FHIT: variants seen among roughly 807,000 people sequenced by gnomAD.
The protein encoded by FHIT is fragile histidine triad diadenosine triphosphatase.
FHIT carries 19 observed loss-of-function variants against 17.9 expected under a neutral mutation model. That is an observed-to-expected ratio of 1.06 (90% CI 0.74 to 1.56). FHIT has a LOEUF of 1.56. Among genes scored for constraint, FHIT ranks in the 40% most tolerant of loss-of-function variants. The pLI is 0.00. For synonymous variants in FHIT, 81 were observed against 69.7 expected (o/e 1.16, Z -0.81); for missense variants, 248 against 189.2 (o/e 1.31, Z -1.82).
At chr3:60,625,880 C>T (rs2363670) in intron 4 of FHIT, among the ~76,000 whole-genome samples, 46,601 of 152,042 alleles carry the variant, frequency 0.31, 8,085 homozygotes, top group Non-Finnish European at 0.38. Flanking sequence ...TTAGCTTTTA[C>T]ATTTGAGGCC....
At chr3:59,861,617 CA>C (rs1306945695) in intron 8 of FHIT, among the ~76,000 whole-genome samples, 2 of 152,138 alleles carry the variant, frequency 1.3e-5, no homozygotes, top group African/African-American at 4.8e-5. Context: ...TGAGGAGGAA[CA>C]ATAAAGGAAG....
At chr3:59,928,159 G>A (rs1262098089) in intron 7 of FHIT, among the ~76,000 whole-genome samples, 1 of 152,170 alleles carries the variant, frequency 6.6e-6, no homozygotes. Flanking sequence ...AACTGCAGAA[G>A]GCAGGTCTGA....
rs906738947 is a variant in FHIT at position 60,210,958 on chromosome 3, T to C, written c.104-196806A>G. On this transcript the variant is annotated intron_variant, in intron 5 of 9. Transcript: ENST00000492590. The stretch of plus-strand genomic sequence containing the variant: ...TATATGTTTGCACAAAGCAATTCAC[T>C]GCAGCATTATTTAAAATAACAAGAG... Among the ~76,000 whole-genome samples the C allele has an allele frequency of 2.6e-5, 4 of 151,262 alleles. No individual in the cohort carries two copies. The Admixed American group carries it at 2.6e-4, about 10-fold the overall frequency.
At chr3:61,195,715 G>A (rs1361941084) in intron 2 of FHIT, among the ~76,000 whole-genome samples, 1 of 152,162 alleles carries the variant, frequency 6.6e-6, no homozygotes, top group Non-Finnish European at 1.5e-5. Context: ...CAGGCTCTGT[G>A]AACAGACTGG....
intron 5 of FHIT, among the ~76,000 whole-genome samples, chr3:60,175,787 C>G (rs752697600): frequency 6.6e-6 from 1 of 152,088 alleles, no homozygotes; most frequent in Non-Finnish European, 1.5e-5. Context: ...TTTTAAAACT[C>G]AATGCTATTA....
At chr3:60,312,984 A>C (rs568069976) in intron 5 of FHIT, among the ~76,000 whole-genome samples, 17 of 152,202 alleles carry the variant, frequency 1.1e-4, no homozygotes, top group Non-Finnish European at 1.9e-4. Context: ...TCCATAACCC[A>C]GTTGATTCAG....
intron 1 of FHIT, among the ~76,000 whole-genome samples, chr3:61,215,615 G>T (rs996818377): frequency 3.9e-5 from 6 of 152,146 alleles, no homozygotes; most frequent in Non-Finnish European, 5.9e-5. Flanking sequence ...AGCTACCAAT[G>T]ACTTTCTTCA....
chr3:59,920,065 T>C (rs1705328342), intron 8 of FHIT, among the ~76,000 whole-genome samples: 1 of 152,242 alleles, frequency 6.6e-6, no homozygotes, highest in Non-Finnish European at 1.5e-5. Flanking sequence ...GAACATCCAA[T>C]GACCTGGCTT....
rs148688386 is a variant in FHIT, at chr3:59,874,193, A to T, written c.348+48153T>A. Among the ~76,000 whole-genome samples, 7 of 152,268 alleles carry T rather than the reference A, an allele frequency of 4.6e-5. No individual in the cohort carries two copies. In the East Asian group the frequency reaches 1.4e-3, roughly 29 times the overall value. ...CCCTTCTACGTCATTCTAACCCCAA[A>T]TGCCTCAAAAAGAAGTTCAAAGCTC... On this transcript the variant is annotated intron_variant, in intron 8 of 9. Transcript: ENST00000492590.
chr3:60,530,205 G>A (rs1388042560), intron 5 of FHIT, among the ~76,000 whole-genome samples: 1 of 152,130 alleles, frequency 6.6e-6, no homozygotes, highest in Non-Finnish European at 1.5e-5. Context: ...AGGCTACTTT[G>A]TACATACATA....
At chr3:60,451,600 A>T (rs1039528862) in intron 5 of FHIT, among the ~76,000 whole-genome samples, 2 of 152,222 alleles carry the variant, frequency 1.3e-5, no homozygotes, top group Non-Finnish European at 2.9e-5. Context: ...ATTAAATATC[A>T]GTTGATTATA....
intron 5 of FHIT, among the ~76,000 whole-genome samples, chr3:60,321,746 G>C (rs1322969715): frequency 6.6e-6 from 1 of 152,150 alleles, no homozygotes; most frequent in African/African-American, 2.4e-5. Flanking sequence ...ATTTTTCACA[G>C]TTCTGGAGGC....
At chr3:60,573,528 G>C (rs2037459350) in intron 4 of FHIT, among the ~76,000 whole-genome samples, 1 of 152,100 alleles carries the variant, frequency 6.6e-6, no homozygotes, top group Non-Finnish European at 1.5e-5. Context: ...GTGGACTTCT[G>C]TCCCCTCAGT....
At chr3:61,237,675 G>A in intron 1 of FHIT, among the ~76,000 whole-genome samples, 1 of 152,214 alleles carries the variant, frequency 6.6e-6, no homozygotes, top group East Asian at 1.9e-4. Context: ...TGAGTGCTGA[G>A]TATGTATCAG....
intron 5 of FHIT, among the ~76,000 whole-genome samples, chr3:60,248,536 C>T (rs1042121747): frequency 1.3e-5 from 2 of 152,122 alleles, no homozygotes; most frequent in Admixed American, 1.3e-4. Context: ...AATGACATTT[C>T]GTTTCCATTT....
At chr3:60,587,145 A>G (rs570476278) in intron 4 of FHIT, among the ~76,000 whole-genome samples, 33 of 152,226 alleles carry the variant, frequency 2.2e-4, no homozygotes, top group Non-Finnish European at 3.8e-4. Flanking sequence ...AAAGTAGTAT[A>G]TATACACCAC....
intron 4 of FHIT, among the ~76,000 whole-genome samples, chr3:60,713,311 C>T (rs1335713807): frequency 1.7e-4 from 26 of 150,210 alleles, no homozygotes; most frequent in Admixed American, 1.3e-3. Flanking sequence ...ACTAAATGCC[C>T]ACAAGAGAAA....
intron 5 of FHIT, among the ~76,000 whole-genome samples, chr3:60,335,847 T>G (rs1032820586): frequency 2.6e-5 from 4 of 152,074 alleles, no homozygotes; most frequent in African/African-American, 9.7e-5. Context: ...GGTAAAGAAC[T>G]TAAAAAAAAT....
intron 4 of FHIT, among the ~76,000 whole-genome samples, chr3:60,601,618 T>C (rs1285249922): frequency 6.6e-6 from 1 of 151,710 alleles, no homozygotes; most frequent in Non-Finnish European, 1.5e-5. Context: ...AGGATAAAAA[T>C]AAAAGGCATG....
Sources: gnomAD v4.1 joint callset for allele counts (sites outside exome capture counted in the v4.1 genomes callset) on GRCh38, gnomAD v4.1.1 for gene constraint, MANE v1.5 for transcripts, NCBI Gene and HGNC (gene_info 2026-07-23, HGNC 2026-07-21) for gene names.